Variants in KAZN observed in about 807,000 individuals in gnomAD.
The protein encoded by KAZN is kazrin, periplakin interacting protein, also known as kazrin.
KAZN carries 40 observed loss-of-function variants against 87.4 expected under a neutral mutation model. The observed-to-expected ratio is 0.46, with a 90% confidence interval of 0.36 to 0.60. The LOEUF (loss-of-function observed/expected upper bound fraction) is 0.60, where lower values mean the gene tolerates loss of function less well. Among genes scored for constraint, KAZN ranks in the 20% least tolerant of loss-of-function variants. The pLI, the probability that KAZN is intolerant of heterozygous loss-of-function variation, is 0.00. For missense variants in KAZN, 898 were observed against 1,073.9 expected, an observed-to-expected ratio of 0.84 and a Z score of 2.29; for synonymous variants, 466 against 458.3, an observed-to-expected ratio of 1.02 and a Z score of -0.22.
chr1:14,866,432 A>G (rs1572684019), intron 1 of KAZN, among the ~76,000 whole-genome samples: 1 of 152,166 alleles, frequency 6.6e-6, no homozygotes, highest in East Asian at 1.9e-4. Flanking sequence ...GTTAACATAC[A>G]AGAATTTGTG....
In KAZN at chr1:14,020,718, C is replaced by T. The variant is rs1017496193; in HGVS notation, c.91+126962C>T. 5.3e-5 allele frequency among the ~76,000 whole-genome samples: 8 copies of T among 152,208 alleles called. 1 individual carries two copies. The highest frequency in any genetic ancestry group is 2.0e-4 in the Admixed American group (3 of 15,276). On this transcript the variant is annotated intron_variant, in intron 1 of 16. Coordinates refer to the KAZN transcript ENST00000636203. ...AGATTTTAGTTTTAACTAATTGAGT[C>T]AGCAGAACAATTTGAAATCTGAGTT...
At chr1:14,796,147 C>T (rs545541397) in intron 1 of KAZN, among the ~76,000 whole-genome samples, 5 of 152,252 alleles carry the variant, frequency 3.3e-5, no homozygotes, top group African/African-American at 1.2e-4. Flanking sequence ...TTCTGGCCTC[C>T]GTTCTGGTCC....
intron 1 of KAZN, among the ~76,000 whole-genome samples, chr1:14,610,397 G>A (rs937348764): frequency 6.6e-6 from 1 of 151,738 alleles, no homozygotes; most frequent in African/African-American, 2.4e-5. Flanking sequence ...TAATTTTTTT[G>A]TATTTTTAGT....
At chr1:14,402,139 A>T (rs1422665760) in intron 2 of KAZN, among the ~76,000 whole-genome samples, 4 of 152,012 alleles carry the variant, frequency 2.6e-5, no homozygotes, top group Non-Finnish European at 5.9e-5. Context: ...AAAGCACTCA[A>T]AAAGTCCAAT....
At chr1:14,517,548 T>A (rs1435662861) in intron 2 of KAZN, among the ~76,000 whole-genome samples, 1 of 152,212 alleles carries the variant, frequency 6.6e-6, no homozygotes, top group East Asian at 1.9e-4. Context: ...CTGGAACACA[T>A]GCCTTAGCGC....
At chr1:14,270,657 G>A (rs1651844127) in intron 2 of KAZN, among the ~76,000 whole-genome samples, 1 of 152,068 alleles carries the variant, frequency 6.6e-6, no homozygotes, top group Non-Finnish European at 1.5e-5. Context: ...TCCACAATAA[G>A]CAATTGAATG....
At chr1:14,772,728 A>G (rs1257126372) in intron 1 of KAZN, among the ~76,000 whole-genome samples, 1 of 152,100 alleles carries the variant, frequency 6.6e-6, no homozygotes, top group Non-Finnish European at 1.5e-5. Context: ...ACGAATATCT[A>G]GAGTGGGCTG....
intron 2 of KAZN, among the ~76,000 whole-genome samples, chr1:15,005,063 A>C (rs1446406493): frequency 6.6e-6 from 1 of 152,152 alleles, no homozygotes; most frequent in Non-Finnish European, 1.5e-5. Context: ...GGAGGATAAT[A>C]TGCAAACCAA....
intron 1 of KAZN, chr1:14,180,345 A>T (rs766362430): frequency 8.6e-7 from 1 of 1,162,698 alleles, no homozygotes; most frequent in Non-Finnish European, 1.2e-6. Flanking sequence ...TTGTATGTAC[A>T]CCCTTACTTT....
At chr1:14,652,644 TCCACCCATCCAC>T (rs1638508530) in intron 1 of KAZN, among the ~76,000 whole-genome samples, 1 of 44,032 alleles carries the variant, frequency 2.3e-5, no homozygotes, top group Admixed American at 2.8e-4. Context: ...CACCCATCCA[TCCACCCATCCAC>T]CCACCCACCC....
chr1:14,343,566 C>G (rs190360587), intron 2 of KAZN, among the ~76,000 whole-genome samples: 5 of 152,272 alleles, frequency 3.3e-5, no homozygotes, highest in Admixed American at 3.3e-4. Context: ...CTTTTAAAAC[C>G]TCAGGCCATT....
chr1:14,440,431 C>T (rs991384453), intron 2 of KAZN, among the ~76,000 whole-genome samples: 4 of 152,202 alleles, frequency 2.6e-5, no homozygotes, highest in African/African-American at 9.7e-5. Context: ...CTTCCGGGAA[C>T]TACCATATTG....
intron 1 of KAZN, among the ~76,000 whole-genome samples, chr1:14,038,140 C>A (rs1263137560): frequency 1.3e-5 from 2 of 152,118 alleles, no homozygotes; most frequent in Admixed American, 1.3e-4. Context: ...GCACCTAGGA[C>A]CCTCAGTGAA....
intron 2 of KAZN, among the ~76,000 whole-genome samples, chr1:14,368,968 CGGG>C (rs758848286): frequency 2.6e-5 from 4 of 152,082 alleles, no homozygotes; most frequent in Non-Finnish European, 5.9e-5. Context: ...TGATCTTATC[CGGG>C]TCACCTTTCT....
intron 2 of KAZN, among the ~76,000 whole-genome samples, chr1:14,290,149 T>C (rs1019092068): frequency 2.0e-5 from 3 of 152,218 alleles, no homozygotes; most frequent in Non-Finnish European, 4.4e-5. Context: ...CTGACAATTA[T>C]GTGTCTTGTG....
intron 1 of KAZN, among the ~76,000 whole-genome samples, chr1:14,920,616 T>C (rs1226113788): frequency 6.6e-6 from 1 of 152,156 alleles, no homozygotes; most frequent in Admixed American, 6.5e-5. Context: ...GAAGGTCTCC[T>C]GGAAGTAGAA....
chr1:14,134,738 A>G lies in KAZN; in HGVS notation c.92-45697A>G, dbSNP rs944186174. Among the ~76,000 whole-genome samples, 3 of 152,188 alleles carry G rather than the reference A, an allele frequency of 2.0e-5. No homozygotes were observed. In the East Asian group the frequency reaches 5.8e-4, roughly 29 times the overall value. ...TGGGATTTCCAGCCTCCAGGCCTAC[A>G]CTTTCATGGTACTCTCGGAACACAC... On this transcript the variant is annotated intron_variant, in intron 1 of 16. Coordinates refer to the KAZN transcript ENST00000636203.
intron 2 of KAZN, among the ~76,000 whole-genome samples, chr1:14,459,490 T>C (rs1002753227): frequency 2.0e-5 from 3 of 152,116 alleles, no homozygotes; most frequent in African/African-American, 7.2e-5. Flanking sequence ...AGATGGCGCA[T>C]CGTTTTTATC....
At chr1:14,262,367 G>T (rs1651112233) in intron 2 of KAZN, among the ~76,000 whole-genome samples, 1 of 152,188 alleles carries the variant, frequency 6.6e-6, no homozygotes, top group African/African-American at 2.4e-5. Context: ...ACATTCTGTA[G>T]ATAACCTATG....
Sources: allele counts gnomAD v4.1 joint callset (sites outside exome capture counted in the v4.1 genomes callset), GRCh38; gene constraint gnomAD v4.1.1; transcripts MANE v1.5; gene names NCBI Gene and HGNC (gene_info 2026-07-23, HGNC 2026-07-21).